TMEM217B: variants seen among roughly 807,000 people sequenced by gnomAD.
TMEM217B encodes putative transmembrane protein 217B.
the TMEM217B span, among the ~76,000 whole-genome samples, chr6:37,226,211 C>A: frequency 1.3e-5 from 2 of 151,710 alleles, no homozygotes; most frequent in African/African-American, 4.8e-5. Flanking sequence ...AGAGATATCT[C>A]CCCTTTATCT....
chr6:37,212,669 AG>A, the TMEM217B span: 2 of 585,166 alleles, frequency 3.4e-6, no homozygotes, highest in Middle Eastern at 2.7e-4. Flanking sequence ...ACTATGGAGA[AG>A]TTGATGAGCT....
chr6:37,248,181 T>C, the TMEM217B span, among the ~76,000 whole-genome samples: 2 of 152,164 alleles, frequency 1.3e-5, no homozygotes, highest in Admixed American at 6.5e-5. Flanking sequence ...TACACCTCCA[T>C]TTTTATCACT....
At chr6:37,242,694 C>A in the TMEM217B span, among the ~76,000 whole-genome samples, 2 of 152,168 alleles carry the variant, frequency 1.3e-5, no homozygotes, top group Non-Finnish European at 2.9e-5. Flanking sequence ...GTATCTAATA[C>A]TCCCACTTCC....
the TMEM217B span, among the ~76,000 whole-genome samples, chr6:37,246,174 T>C: frequency 1.3e-5 from 2 of 152,140 alleles, no homozygotes; most frequent in Admixed American, 6.5e-5. Context: ...CTTCTACTTC[T>C]CCTCTAATTC....
chr6:37,227,046 A>G, the TMEM217B span, among the ~76,000 whole-genome samples: 2 of 152,244 alleles, frequency 1.3e-5, no homozygotes, highest in African/African-American at 4.8e-5. Context: ...CCAGGCCTGT[A>G]TATCTGCACA....
At chr6:37,256,049 G>C in the TMEM217B span, among the ~76,000 whole-genome samples, 1 of 152,160 alleles carries the variant, frequency 6.6e-6, no homozygotes, top group East Asian at 1.9e-4. Context: ...GATATGTCTA[G>C]ATACACAAAT....
chr6:37,217,739 C>A, the TMEM217B span: 2 of 985,332 alleles, frequency 2.0e-6, no homozygotes, highest in Non-Finnish European at 2.4e-6. Flanking sequence ...CCAACAGTAT[C>A]CTTTGTGCTG....
chr6:37,253,412 C>G, the TMEM217B span, among the ~76,000 whole-genome samples: 7 of 152,206 alleles, frequency 4.6e-5, no homozygotes, highest in Admixed American at 1.3e-4. Context: ...CCTTCACCCC[C>G]CAAATTCTAA....
At chr6:37,218,662 C>T in the TMEM217B span, 4 of 1,614,124 alleles carry the variant, frequency 2.5e-6, no homozygotes, top group Non-Finnish European at 3.4e-6. Context: ...TGATTCTGAC[C>T]TCTTTAATGT....
the TMEM217B span, among the ~76,000 whole-genome samples, chr6:37,229,005 A>AT: frequency 6.6e-6 from 1 of 152,070 alleles, no homozygotes; most frequent in African/African-American, 2.4e-5. Context: ...TCAAAAAAAA[A>AT]ACAAAAAACA....
At chr6:37,243,017 T>C in the TMEM217B span, among the ~76,000 whole-genome samples, 1 of 152,158 alleles carries the variant, frequency 6.6e-6, no homozygotes, top group Admixed American at 6.5e-5. Context: ...GAAAGCAAGT[T>C]TCTGGCAAAG....
the TMEM217B span, among the ~76,000 whole-genome samples, chr6:37,232,190 A>G: frequency 6.6e-6 from 1 of 152,194 alleles, no homozygotes; most frequent in African/African-American, 2.4e-5. Context: ...TTCGTTCCAA[A>G]AAATAGAATT....
At chr6:37,255,700 G>T in the TMEM217B span, among the ~76,000 whole-genome samples, 18 of 150,882 alleles carry the variant, frequency 1.2e-4, no homozygotes, top group South Asian at 3.8e-3. Flanking sequence ...AAAAAAAAAG[G>T]TCTCTCTGGT....
the TMEM217B span, among the ~76,000 whole-genome samples, chr6:37,226,850 G>A: frequency 6.6e-6 from 1 of 152,144 alleles, no homozygotes; most frequent in Non-Finnish European, 1.5e-5. Context: ...ACAGGTGTGA[G>A]CCACGGCACC....
chr6:37,245,320 TC>T, the TMEM217B span, among the ~76,000 whole-genome samples: 3 of 152,238 alleles, frequency 2.0e-5, no homozygotes, highest in Non-Finnish European at 2.9e-5. Flanking sequence ...ACTGAGAGGC[TC>T]AGCACCAGAT....
At chr6:37,235,705 G>T in the TMEM217B span, among the ~76,000 whole-genome samples, 1 of 152,170 alleles carries the variant, frequency 6.6e-6, no homozygotes, top group Non-Finnish European at 1.5e-5. Context: ...GAAAGTCCAA[G>T]ATCAAGGCAC....
chr6:37,243,774 G>A, the TMEM217B span, among the ~76,000 whole-genome samples: 2 of 152,124 alleles, frequency 1.3e-5, no homozygotes, highest in South Asian at 2.1e-4. Context: ...AGGGTTTTTC[G>A]AGGATAGTTT....
the TMEM217B span, among the ~76,000 whole-genome samples, chr6:37,231,728 T>TTA: frequency 7.5e-5 from 11 of 147,546 alleles, no homozygotes; most frequent in Admixed American, 4.1e-4. Context: ...GTTTTATCTT[T>TTA]TATATATATA....
chr6:37,215,006 C>T, the TMEM217B span, among the ~76,000 whole-genome samples: 205 of 152,322 alleles, frequency 1.3e-3, 1 homozygote, highest in African/African-American at 4.5e-3. Context: ...CAGTTTTCTT[C>T]CTTTGCTTTA....
Sources: gnomAD v4.1 joint callset for allele counts (sites outside exome capture counted in the v4.1 genomes callset) on GRCh38, gnomAD v4.1.1 for gene constraint, MANE v1.5 for transcripts, NCBI Gene and HGNC (gene_info 2026-07-23, HGNC 2026-07-21) for gene names.